Variants in IL1RAPL2 observed in about 807,000 individuals in gnomAD.
IL1RAPL2 encodes interleukin 1 receptor accessory protein like 2.
Under a neutral mutation model 44.1 loss-of-function variants are expected in IL1RAPL2, and 3 were observed. The ratio of observed to expected loss-of-function variants is 0.07; its 90% CI spans 0.03 to 0.18. IL1RAPL2 has a LOEUF of 0.18. Ranked by LOEUF, IL1RAPL2 falls within the 10% of genes least tolerant of loss-of-function variation. The probability of loss-of-function intolerance (pLI) is 1.00; values close to 1 mark genes in which losing one functional copy is unlikely to be tolerated. For missense variants in IL1RAPL2, 391 were observed against 496.4 expected (o/e 0.79, Z 2.02); for synonymous variants, 181 against 178.8 (o/e 1.01, Z -0.10).
chrX:105,428,880 A>G (rs952382731), intron 5 of IL1RAPL2, among the ~76,000 whole-genome samples: 1 of 111,295 alleles, frequency 9.0e-6, no homozygotes, highest in Non-Finnish European at 1.9e-5. Context: ...AAAATTTGGT[A>G]GGCTATGCTT....
intron 1 of IL1RAPL2, chrX:104,647,302 G>A (rs139297522): frequency 9.5e-4 from 413 of 432,909 alleles, no homozygotes; most frequent in African/African-American, 7.7e-3. Context: ...CGATCAGGCC[G>A]TCCCCTGCGG....
chrX:104,715,436 C>G (rs1931542824), intron 2 of IL1RAPL2, among the ~76,000 whole-genome samples: 1 of 100,145 alleles, frequency 1.0e-5, no homozygotes, highest in South Asian at 4.7e-4. Context: ...AAAAAAAAAC[C>G]AGATCCTGGA....
chrX:104,585,255 A>T (rs10449026), intron 1 of IL1RAPL2, among the ~76,000 whole-genome samples: 6 of 15,686 alleles, frequency 3.8e-4, no homozygotes, highest in African/African-American at 7.9e-4. Context: ...ATGATATATA[A>T]TATATATATA....
chrX:105,748,218 A>G (rs2038566094), intron 8 of IL1RAPL2, among the ~76,000 whole-genome samples: 1 of 111,963 alleles, frequency 8.9e-6, no homozygotes, highest in South Asian at 3.7e-4. Flanking sequence ...TTTTGATTTA[A>G]TTGTTCCAAT....
intron 1 of IL1RAPL2, among the ~76,000 whole-genome samples, chrX:104,635,575 C>T (rs192795531): frequency 9.0e-5 from 10 of 111,676 alleles, no homozygotes; most frequent in Non-Finnish European, 1.9e-4. Flanking sequence ...CTTCTCTTGT[C>T]ACTTCATTTC....
At position 104,633,419 on chromosome X, in the gene IL1RAPL2, C is replaced by T. The variant is rs376656882; in HGVS notation, c.-19-25476C>T. On this transcript the variant is annotated intron_variant, in intron 1 of 10. Transcript: ENST00000372582. ...TGGAATAGTTTCAGAAGGAATGGTA[C>T]CAGCTCCTCCTTGTCCCTCTGGTAG... Among the ~76,000 whole-genome samples the T allele has an allele frequency of 7.2e-5, 8 of 111,675 alleles. No individual in the cohort carries two copies. The East Asian group carries it at 1.7e-3, about 24-fold the overall frequency.
At chrX:104,838,631 G>A (rs756892206) in intron 2 of IL1RAPL2, among the ~76,000 whole-genome samples, 1 of 110,322 alleles carries the variant, frequency 9.1e-6, no homozygotes, top group South Asian at 3.9e-4. Context: ...GGGCTGAGAC[G>A]ATGGGGTTTT....
chrX:104,881,335 A>G (rs1923065013), intron 2 of IL1RAPL2, among the ~76,000 whole-genome samples: 1 of 111,784 alleles, frequency 8.9e-6, no homozygotes, highest in African/African-American at 3.2e-5. Context: ...AAAAGTGGTC[A>G]TTTTTCATAT....
At chrX:105,760,897 A>G (rs1318433689) in intron 10 of IL1RAPL2, among the ~76,000 whole-genome samples, 1 of 111,639 alleles carries the variant, frequency 9.0e-6, no homozygotes. Context: ...AAAGGCTCCC[A>G]GCCAGGCACG....
chrX:104,763,399 A>G (rs920745355), intron 2 of IL1RAPL2, among the ~76,000 whole-genome samples: 3 of 111,915 alleles, frequency 2.7e-5, no homozygotes, highest in Non-Finnish European at 5.6e-5. Flanking sequence ...AGTCTCTAGG[A>G]AGTTCAAACT....
At position 105,070,823 on chromosome X, in the gene IL1RAPL2, C is replaced by A. The variant is rs375229615; in HGVS notation, c.83-124652C>A. Among the ~76,000 whole-genome samples the A allele has an allele frequency of 6.4e-5, 7 of 110,220 alleles. No individual in the cohort carries two copies. In the South Asian group the frequency reaches 1.2e-3, roughly 18 times the overall value. On this transcript the variant is annotated intron_variant, in intron 2 of 10. Transcript: ENST00000372582. ...AATCCCCCTTTGTTTCCTTCCCCAT[C>A]TTCAATGGTCTGATATACATCTTTC...
Position 104,703,841 on chromosome X carries a change from G to T in IL1RAPL2, c.82+44846G>T, listed in dbSNP as rs542258456. ...ATTAGAGTGAAAATTCAAACCAAGG[G>T]ATGTCAGATTCCAAACCTTCAACAT... On this transcript the variant is annotated intron_variant, in intron 2 of 10. Transcript: ENST00000372582. 5.4e-5 allele frequency among the ~76,000 whole-genome samples: 6 copies of T among 112,093 alleles called. No homozygotes were observed. The South Asian group carries it at 2.2e-3, about 42-fold the overall frequency.
chrX:105,053,520 A>G (rs1310248258), intron 2 of IL1RAPL2, among the ~76,000 whole-genome samples: 1 of 111,452 alleles, frequency 9.0e-6, no homozygotes, highest in Admixed American at 9.6e-5. Context: ...CCAAATCCTT[A>G]TAGCTAGTAA....
chrX:105,679,126 A>G (rs1376001709), intron 6 of IL1RAPL2, among the ~76,000 whole-genome samples: 1 of 110,369 alleles, frequency 9.1e-6, no homozygotes, highest in Admixed American at 9.7e-5. Flanking sequence ...ATGGAATCAT[A>G]ATGAAAGATG....
At chrX:105,037,627 T>G (rs2031653067) in intron 2 of IL1RAPL2, among the ~76,000 whole-genome samples, 1 of 111,828 alleles carries the variant, frequency 8.9e-6, no homozygotes, top group African/African-American at 3.2e-5. Context: ...CCTATTACAA[T>G]GGCTGAAGAA....
At chrX:105,161,416 T>C (rs2033324069) in intron 2 of IL1RAPL2, among the ~76,000 whole-genome samples, 1 of 109,350 alleles carries the variant, frequency 9.1e-6, no homozygotes. Context: ...CTCCAGGTGA[T>C]GGTGCCATAG....
chrX:105,026,132 T>C (rs773596845), intron 2 of IL1RAPL2, among the ~76,000 whole-genome samples: 65 of 111,039 alleles, frequency 5.9e-4, no homozygotes, highest in Non-Finnish European at 9.8e-4. Context: ...TGAAGCCCGA[T>C]AGTCAATGTC....
At chrX:105,646,014 A>G (rs5916938) in intron 6 of IL1RAPL2, among the ~76,000 whole-genome samples, 35,671 of 109,562 alleles carry the variant, frequency 0.33, 4,354 homozygotes, top group Middle Eastern at 0.41. Context: ...TTTTTTTCCT[A>G]TCATGCCCAT....
intron 1 of IL1RAPL2, among the ~76,000 whole-genome samples, chrX:104,618,025 C>T (rs7881302): frequency 0.012 from 1,377 of 111,685 alleles, 31 homozygotes; most frequent in African/African-American, 0.042. Flanking sequence ...CTTATTTTTT[C>T]CCTGTAATAT....
Sources: gnomAD v4.1 joint callset for allele counts (sites outside exome capture counted in the v4.1 genomes callset) on GRCh38, gnomAD v4.1.1 for gene constraint, MANE v1.5 for transcripts, NCBI Gene and HGNC (gene_info 2026-07-23, HGNC 2026-07-21) for gene names.